PCDHA5: variants seen among roughly 807,000 people sequenced by gnomAD.
PCDHA5 encodes protocadherin alpha 5, also known as protocadherin alpha-5.
Under a neutral mutation model 61.6 loss-of-function variants are expected in PCDHA5, and 43 were observed. The ratio of observed to expected loss-of-function variants is 0.70; its 90% CI spans 0.55 to 0.90. The LOEUF (loss-of-function observed/expected upper bound fraction) is 0.90. Among genes scored for constraint, PCDHA5 ranks in the 40% least tolerant of loss-of-function variants. The pLI is 0.00. For synonymous variants in PCDHA5, 627 were observed against 543.9 expected, an observed-to-expected ratio of 1.15 and a Z score of -2.13; for missense variants, 1,298 against 1,222.7, an observed-to-expected ratio of 1.06 and a Z score of -0.92.
chr5:140,828,538 T>C (rs2150156522), intron 1 of PCDHA5: 19 of 1,614,100 alleles, frequency 1.2e-5, no homozygotes, highest in African/African-American at 6.7e-5. Context: ...GGCTGCCAGA[T>C]TCTGTGTTTC....
chr5:140,973,390 AATC>A (rs1554235235), intron 1 of PCDHA5, among the ~76,000 whole-genome samples: 1 of 152,224 alleles, frequency 6.6e-6, no homozygotes, highest in East Asian at 1.9e-4. Context: ...TAGACAAAGA[AATC>A]ATATCTATGA....
At chr5:140,975,068 C>G (rs1273763502) in intron 1 of PCDHA5, among the ~76,000 whole-genome samples, 2 of 152,134 alleles carry the variant, frequency 1.3e-5, no homozygotes, top group Non-Finnish European at 2.9e-5. Context: ...CGAGCTCATT[C>G]AGATTGTTGG....
At position 140,829,352 on chromosome 5, in the gene PCDHA5, T is replaced by A; in HGVS notation, c.2352+5225T>A. 12 of 1,614,230 alleles carry A rather than the reference T, an allele frequency of 7.4e-6. No individual in the cohort carries two copies. Among genetic ancestry groups the A allele is most frequent in the Non-Finnish European group, 1.0e-5 (12 of 1,180,050 alleles). On this transcript the variant is annotated intron_variant, in intron 1 of 3. Transcript: ENST00000529859. ...CCTGGACCGCGAGAGCGTGTCGGCC[T>A]ATGAGTTGGTGGTAACCGCGCGGGA...
Position 140,821,884 on chromosome 5 carries a change from G to A in PCDHA5, c.109G>A (p.Glu37Lys), listed in dbSNP as rs2150111623. The A allele has an allele frequency of 1.9e-6, 3 of 1,614,242 alleles. No homozygotes were observed. The highest frequency in any genetic ancestry group is 2.5e-6 in the Non-Finnish European group (3 of 1,180,038). ...CCAGCTCCACTACTCGATCCCGGAGGAAGCCAAACACGGAACCTTCGTTGG... is the reference window on the plus strand; with the variant it reads ...CCAGCTCCACTACTCGATCCCGGAGAAAGCCAAACACGGAACCTTCGTTGG... ...SGQLHYSIPE[E>K]AKHGTFVGRI... Residue 37 changes from glutamate (E) to lysine (K), a missense_variant, in exon 1 of 4, where the codon GAA becomes AAA. Glu to Lys is a moderately conservative substitution (Grantham distance 56). Coordinates refer to ENST00000529859, the MANE Select transcript of PCDHA5 (RefSeq NM_018908.3).
chr5:140,857,674 G>A lies in PCDHA5; in HGVS notation c.2352+33547G>A, dbSNP rs1581464423. 2.5e-6 allele frequency: 4 copies of A among 1,596,892 alleles called. No individual in the cohort carries two copies. In the East Asian group the frequency reaches 6.7e-5, roughly 27 times the overall value. ...TGAGCGCGCGCGATGGGGGCGTGCC[G>A]CCTCTGGGCAGCAACTTGACGCTGC... On this transcript the variant is annotated intron_variant, in intron 1 of 3. Coordinates refer to ENST00000529859, the MANE Select transcript of PCDHA5 (RefSeq NM_018908.3).
chr5:141,006,357 G>A (rs1296731156), intron 3 of PCDHA5, among the ~76,000 whole-genome samples: 1 of 151,914 alleles, frequency 6.6e-6, no homozygotes, highest in Middle Eastern at 3.4e-3. Context: ...GACTATAGGC[G>A]CCCACCACCA....
At chr5:140,888,488 C>T (rs1257053839) in intron 1 of PCDHA5, among the ~76,000 whole-genome samples, 2 of 152,204 alleles carry the variant, frequency 1.3e-5, no homozygotes, top group African/African-American at 2.4e-5. Context: ...TGTTGAGAAA[C>T]TCTGCTTTAA....
intron 1 of PCDHA5, among the ~76,000 whole-genome samples, chr5:140,909,754 G>T (rs2074670000): frequency 6.6e-6 from 1 of 152,100 alleles, no homozygotes; most frequent in Non-Finnish European, 1.5e-5. Context: ...AATGACCACA[G>T]GATGAGTCCA....
intron 1 of PCDHA5, chr5:140,841,359 G>A (rs2150314214): frequency 6.2e-7 from 1 of 1,613,176 alleles, no homozygotes; most frequent in Non-Finnish European, 8.5e-7. Flanking sequence ...GGATCCTGGC[G>A]ACTACTACTC....
intron 1 of PCDHA5, among the ~76,000 whole-genome samples, chr5:140,898,622 A>G (rs1286354840): frequency 7.9e-5 from 12 of 152,290 alleles, no homozygotes; most frequent in African/African-American, 2.6e-4. Context: ...GTCAGGTAGC[A>G]TAATGCCTCC....
At chr5:140,938,055 T>C (rs1475337267) in intron 1 of PCDHA5, among the ~76,000 whole-genome samples, 1 of 152,232 alleles carries the variant, frequency 6.6e-6, no homozygotes, top group African/African-American at 2.4e-5. Flanking sequence ...TTTCTACATA[T>C]ACTGTCATGC....
At position 141,010,234 on chromosome 5, in the gene PCDHA5, T is replaced by C. The variant is rs1455330920; in HGVS notation, c.*297T>C. 1 of 1,551,824 alleles carries C rather than the reference T, an allele frequency of 6.4e-7. No individual in the cohort carries two copies. Among genetic ancestry groups the C allele is most frequent in the Non-Finnish European group, 8.7e-7 (1 of 1,147,042 alleles). On this transcript the variant is annotated 3_prime_UTR_variant, in exon 4 of 4. Transcript: ENST00000529859. ...AGGAGAGGCTTCCCAGCCCCGCCAG[T>C]GAGAGGTTGGACTCTCTGCCCTGTG...
rs1324543044 is a variant in PCDHA5 at position 140,847,178 on chromosome 5, A to G, written c.2352+23051A>G. ...TTTCTGAGTAATAAACTAAAGGGCC[A>G]TGAGTGATTAAGGAATTTGGCCACT... On this transcript the variant is annotated intron_variant, in intron 1 of 3. Coordinates refer to ENST00000529859, the MANE Select transcript of PCDHA5 (RefSeq NM_018908.3). Among the ~76,000 whole-genome samples the G allele has an allele frequency of 3.3e-5, 5 of 149,760 alleles. 1 individual carries two copies. The highest frequency in any genetic ancestry group is 7.5e-5 in the Non-Finnish European group (5 of 66,876).
intron 1 of PCDHA5, among the ~76,000 whole-genome samples, chr5:140,921,217 T>G (rs2080100928): frequency 6.6e-6 from 1 of 152,122 alleles, no homozygotes; most frequent in African/African-American, 2.4e-5. Flanking sequence ...ATTCACGTCT[T>G]TTTTGCTAGA....
At chr5:140,982,691 C>G in intron 3 of PCDHA5, 128 bp downstream of exon 3, 1 of 1,408,152 alleles carries the variant, frequency 7.1e-7, no homozygotes, top group Non-Finnish European at 9.3e-7. Flanking sequence ...TTTTTCCATA[C>G]ATACATGATT....
rs1777075612 is a variant in PCDHA5 at position 140,841,185 on chromosome 5, G to A, written c.2352+17058G>A. The A allele has an allele frequency of 5.9e-6, 7 of 1,192,098 alleles. No homozygotes were observed. In the Admixed American group the frequency reaches 1.3e-4, roughly 22 times the overall value. The allele number at this position is 1,192,098 out of a possible 1,614,324, so 73.8% of individuals were successfully genotyped here. A position where few individuals can be genotyped will look rare whatever the true frequency, so the allele number is the denominator to read the frequency against. Reference sequence around the variant, plus strand: ...AAGTTCTGGTTGGTCAATGTTCAAAGTCTTTTCTCTGACAGCATCTGTCTC... The same window carrying A: ...AAGTTCTGGTTGGTCAATGTTCAAAATCTTTTCTCTGACAGCATCTGTCTC... On this transcript the variant is annotated intron_variant, in intron 1 of 3. Coordinates refer to ENST00000529859, the MANE Select transcript of PCDHA5 (RefSeq NM_018908.3).
chr5:140,964,701 C>T (rs1228970267), intron 1 of PCDHA5, among the ~76,000 whole-genome samples: 2 of 151,776 alleles, frequency 1.3e-5, no homozygotes, highest in Non-Finnish European at 2.9e-5. Context: ...GAGATTAAGG[C>T]CTCCGAGATC....
intron 3 of PCDHA5, among the ~76,000 whole-genome samples, chr5:140,983,909 C>G (rs2097076070): frequency 6.6e-6 from 1 of 152,226 alleles, no homozygotes. Flanking sequence ...TGATTCTAAT[C>G]AGCCAGGATT....
At chr5:140,834,347 AG>A (rs2150215572) in intron 1 of PCDHA5, 2 of 1,523,758 alleles carry the variant, frequency 1.3e-6, no homozygotes, top group South Asian at 2.6e-5. Flanking sequence ...TTCGAAGGCA[AG>A]TTTTGCTGAC....
Sources: allele counts gnomAD v4.1 joint callset (sites outside exome capture counted in the v4.1 genomes callset), GRCh38; gene constraint gnomAD v4.1.1; transcripts MANE v1.5; gene names NCBI Gene and HGNC (gene_info 2026-07-23, HGNC 2026-07-21).